The following EPN2 variants were observed in gnomAD, a reference collection of about 807,000 sequenced individuals.
EPN2 encodes epsin 2, also known as epsin-2.
EPN2 carries 34 observed loss-of-function variants against 61.7 expected under a neutral mutation model. The observed-to-expected ratio is 0.55, with a 90% confidence interval of 0.42 to 0.73. EPN2 has a LOEUF of 0.73. EPN2 is among the 30% of genes least tolerant of loss of function. The probability of loss-of-function intolerance (pLI) is 0.00; values close to 1 mark genes in which losing one functional copy is unlikely to be tolerated. For synonymous variants in EPN2, 349 were observed against 353.6 expected (o/e 0.99, Z 0.15); for missense variants, 714 against 839.2 (o/e 0.85, Z 1.84).
chr17:19,313,079 C>T (rs1567864827), intron 6 of EPN2, 26 bp from the exon 7 acceptor site: 1 of 1,608,376 alleles, frequency 6.2e-7, no homozygotes, highest in Non-Finnish European at 8.5e-7. Flanking sequence ...ATAGTAAAAC[C>T]TGTCCCCTTC....
intron 1 of EPN2, among the ~76,000 whole-genome samples, chr17:19,238,315 T>TAGAGCCG (rs2044842194): frequency 6.6e-6 from 1 of 152,188 alleles, no homozygotes; most frequent in African/African-American, 2.4e-5. Context: ...GCGGCTCCCC[T>TAGAGCCG]AGAGCCGAGA....
At chr17:19,239,255 C>T (rs2044855766) in intron 1 of EPN2, among the ~76,000 whole-genome samples, 3 of 152,246 alleles carry the variant, frequency 2.0e-5, no homozygotes, top group South Asian at 4.1e-4. Flanking sequence ...TCAAGCGATT[C>T]TCCTGCCTCA....
rs1905929879 is a variant in EPN2 at position 19,307,899 on chromosome 17, C to T, written c.767-1986C>T. The T allele has an allele frequency of 3.0e-6, 3 of 985,218 alleles. No homozygotes were observed. The Admixed American group carries it at 1.8e-4, about 61-fold the overall frequency. The allele number at this position is 985,218 out of a possible 1,614,324, so 61.0% of individuals were successfully genotyped here. On this transcript the variant is annotated intron_variant, in intron 4 of 10. Coordinates refer to ENST00000314728, the MANE Select transcript of EPN2 (RefSeq NM_014964.5). The stretch of plus-strand genomic sequence containing the variant: ...AGCCATGGCCCAGCTATCTGAAAGC[C>T]TCCTTTGTCAGGAATTATTCCTAAC...
intron 7 of EPN2, among the ~76,000 whole-genome samples, chr17:19,327,901 C>CA (rs1314998472): frequency 2.6e-5 from 4 of 152,158 alleles, no homozygotes; most frequent in Non-Finnish European, 5.9e-5. Context: ...TGAACACTTG[C>CA]AGTGCTCCGC....
chr17:19,290,720 A>AAAAAAAG lies in EPN2; in HGVS notation c.766+4935_766+4936insAGAAAAA, dbSNP rs1555600084. On this transcript the variant is annotated intron_variant, in intron 4 of 10. Transcript: ENST00000314728. ...GTTCTCAAAAAAAAAAAAAAAGAAA[A>AAAAAAAG]AAAAAGAAAAAGGAAGGCAGGCAGA... is the stretch of plus-strand genomic sequence containing the variant. Among the ~76,000 whole-genome samples, 326 of 105,462 alleles carry AAAAAAAG rather than the reference A, an allele frequency of 3.1e-3. 17 individuals are homozygous for AAAAAAAG. The highest frequency in any genetic ancestry group is 6.9e-3 in the Middle Eastern group (1 of 144). The allele number at this position is 105,462 out of a possible 152,430, so 69.2% of individuals were successfully genotyped here. A position where few individuals can be genotyped will look rare whatever the true frequency, so the allele number is the denominator to read the frequency against.
chr17:19,243,818 T>C (rs1488065894), intron 1 of EPN2, among the ~76,000 whole-genome samples: 2 of 152,100 alleles, frequency 1.3e-5, no homozygotes, highest in East Asian at 3.9e-4. Flanking sequence ...GGATTACAGG[T>C]ATGAGCCACT....
In EPN2 at chr17:19,331,930, G is replaced by T; in HGVS notation, c.1489G>T (p.Val497Phe). ...PDPFESQPLT[V>F]ASSKPSSARK... ...CCCCTTTGAGTCTCAACCCCTGACT[G>T]TCGCCTCAAGCAAGCCCAGCAGTGC... The change falls in exon 10 of 11, where the codon GTC becomes TTC. Residue 497 changes from valine (V) to phenylalanine (F), a missense_variant. Physicochemically the swap from Val to Phe is conservative, Grantham distance 50 (BLOSUM62 -1). Coordinates refer to ENST00000314728, the MANE Select transcript of EPN2 (RefSeq NM_014964.5). The T allele has an allele frequency of 6.2e-7, 1 of 1,614,158 alleles. No individual in the cohort carries two copies. Among genetic ancestry groups the T allele is most frequent in the South Asian group, 1.1e-5 (1 of 91,084 alleles).
chr17:19,308,325 C>A (rs1335021410), intron 4 of EPN2: 1 of 957,490 alleles, frequency 1.0e-6, no homozygotes, highest in Non-Finnish European at 1.2e-6. Context: ...CCGCCCGTCT[C>A]AGCCTCCCAA....
chr17:19,305,343 G>A (rs1012702020), intron 4 of EPN2, among the ~76,000 whole-genome samples: 1 of 152,032 alleles, frequency 6.6e-6, no homozygotes, highest in South Asian at 2.1e-4. Context: ...GGCTGATCTC[G>A]AACTCCTGGC....
At chr17:19,238,544 C>T (rs557079644) in intron 1 of EPN2, among the ~76,000 whole-genome samples, 5 of 152,230 alleles carry the variant, frequency 3.3e-5, no homozygotes, top group Non-Finnish European at 7.4e-5. Flanking sequence ...AAAATCTGTG[C>T]TTTAAGAGCG....
At chr17:19,291,909 C>T (rs1037504650) in intron 4 of EPN2, among the ~76,000 whole-genome samples, 2 of 152,174 alleles carry the variant, frequency 1.3e-5, no homozygotes, top group African/African-American at 4.8e-5. Context: ...GTCATGGCCT[C>T]AGCCCTGCTT....
chr17:19,313,189 C>T lies in EPN2; in HGVS notation c.1057C>T (p.Pro353Ser). The T allele has an allele frequency of 6.2e-7, 1 of 1,612,822 alleles. No homozygotes were observed. Among genetic ancestry groups the T allele is most frequent in the Non-Finnish European group, 8.5e-7 (1 of 1,179,484 alleles). Residue 353 changes from proline to serine, a missense_variant, in exon 7 of 11, where the codon CCC becomes TCC. Physicochemically the swap from Pro to Ser is moderately conservative, Grantham distance 74. This residue lies in a region of EPN2 where 410 missense variants were observed against 421.8 expected (regional missense o/e 0.97). Coordinates refer to ENST00000314728, the MANE Select transcript of EPN2 (RefSeq NM_014964.5). Reference sequence around the variant, plus strand: ...GGGCCCCGCGGCCCAGAAAGCAGAGCCCTGGGGCCCGTCAGCCTCCACTAA... The same window carrying T: ...GGGCCCCGCGGCCCAGAAAGCAGAGTCCTGGGGCCCGTCAGCCTCCACTAA... ...SSGPAAQKAE[P>S]WGPSASTNQT...
At chr17:19,297,649 T>G (rs3785783) in intron 4 of EPN2, among the ~76,000 whole-genome samples, 7,288 of 152,224 alleles carry the variant, frequency 0.048, 225 homozygotes, top group East Asian at 0.11. Context: ...ATGGAGCTGC[T>G]GTAGCCCTTC....
Position 19,313,274 on chromosome 17 carries a change from C to A in EPN2, c.1142C>A (p.Ser381Ter). Residue 381 changes from serine (S) to a stop codon, truncating the protein, a stop_gained, in exon 7 of 11, where the codon TCG becomes TAG. Transcript: ENST00000314728. LOFTEE classifies it high-confidence loss of function. ...GCGAGTACTTCAGACCCCTGGCCAT[C>A]GTTTGGTAAAGACCCCATTACTGGT... ...APASTSDPWP[S>*]FGTKPAASID... 1 of 1,535,666 alleles carries A rather than the reference C, an allele frequency of 6.5e-7. No homozygotes were observed. The highest frequency in any genetic ancestry group is 8.7e-7 in the Non-Finnish European group (1 of 1,145,458).
At chr17:19,276,887 A>G (rs2045312826) in intron 1 of EPN2, among the ~76,000 whole-genome samples, 1 of 149,312 alleles carries the variant, frequency 6.7e-6, no homozygotes, top group Non-Finnish European at 1.5e-5. Context: ...TATCTGGTGT[A>G]GAGGTTCATA....
intron 4 of EPN2, among the ~76,000 whole-genome samples, chr17:19,302,373 C>G (rs1172263450): frequency 6.6e-6 from 1 of 152,212 alleles, no homozygotes; most frequent in African/African-American, 2.4e-5. Context: ...GGCCACAGAC[C>G]CAAAGCTTCA....
At chr17:19,255,436 C>CTTTATTTATTTA (rs58603139) in intron 1 of EPN2, among the ~76,000 whole-genome samples, 307 of 138,348 alleles carry the variant, frequency 2.2e-3, no homozygotes, top group Non-Finnish European at 2.5e-3. Flanking sequence ...TCTTCATTTA[C>CTTTATTTATTTA]TTTATTTATT....
chr17:19,329,218 C>T (rs986721052), intron 8 of EPN2: 4 of 429,140 alleles, frequency 9.3e-6, no homozygotes, highest in Non-Finnish European at 1.7e-5. Context: ...GGCACTCCTT[C>T]TGGTGACTTC....
intron 1 of EPN2, among the ~76,000 whole-genome samples, chr17:19,265,339 C>T (rs370110310): frequency 1.3e-5 from 2 of 149,206 alleles, no homozygotes; most frequent in African/African-American, 5.0e-5. Flanking sequence ...GATTGTGCTA[C>T]TGTACTCCAT....
Sources: gnomAD v4.1 joint callset for allele counts (sites outside exome capture counted in the v4.1 genomes callset) on GRCh38, gnomAD v4.1.1 for gene constraint, gnomAD v4.1.1 regional missense constraint, MANE v1.5 for transcripts, NCBI Gene and HGNC (gene_info 2026-07-23, HGNC 2026-07-21) for gene names.